The following NSD3 variants were observed in gnomAD, a reference collection of about 807,000 sequenced individuals.
The protein encoded by NSD3 is nuclear receptor binding SET domain protein 3.
In NSD3, 24 loss-of-function variants were observed where a neutral mutation model predicts 160.8. The observed-to-expected ratio is 0.15, with a 90% CI of 0.11 to 0.21. The LOEUF is 0.21. Among genes scored for constraint, NSD3 ranks in the 10% least tolerant of loss-of-function variants. The pLI is 1.00. For synonymous variants in NSD3, 520 were observed against 600.0 expected (o/e 0.87, Z 1.95); for missense variants, 1,157 against 1,735.9 (o/e 0.67, Z 5.93).
chr8:38,359,563 C>T (rs771688028), intron 1 of NSD3, among the ~76,000 whole-genome samples: 11 of 152,160 alleles, frequency 7.2e-5, no homozygotes, highest in Non-Finnish European at 1.2e-4. Flanking sequence ...AACTTGACCA[C>T]GCCCCTATGG....
intron 1 of NSD3, among the ~76,000 whole-genome samples, chr8:38,372,139 ATAGT>A (rs1309643787): frequency 1.3e-5 from 2 of 152,262 alleles, no homozygotes; most frequent in African/African-American, 4.8e-5. Context: ...GTTAATTAAG[ATAGT>A]TAAGCTAAGA....
chr8:38,379,967 A>C (rs1811494919), intron 1 of NSD3, among the ~76,000 whole-genome samples: 1 of 152,258 alleles, frequency 6.6e-6, no homozygotes, highest in East Asian at 1.9e-4. Context: ...AAGTAGTTAC[A>C]GTTGAATATA....
At chr8:38,369,361 A>C (rs1265983605) in intron 1 of NSD3, among the ~76,000 whole-genome samples, 1 of 152,174 alleles carries the variant, frequency 6.6e-6, no homozygotes, top group African/African-American at 2.4e-5. Context: ...ATTGGACTGG[A>C]AAGTTAACTT....
At chr8:38,336,203 A>T (rs1027450407) in intron 4 of NSD3, 7 of 152,246 alleles carry the variant, frequency 4.6e-5, no homozygotes, top group African/African-American at 1.7e-4. Flanking sequence ...CTTGTCACAG[A>T]CAATGAGGAA....
rs1300454694 is a variant in NSD3 at position 38,375,661 on chromosome 8, ATTAT to A, written c.-45+6134_-45+6137del. ...TTGTTAATATAACAATATAAGTATA[ATTAT>A]TTATAACTTATAAATATAATTCATA... On this transcript the variant is annotated intron_variant, in intron 1 of 23. Transcript: ENST00000317025. Among the ~76,000 whole-genome samples, 11 of 152,074 alleles carry A rather than the reference ATTAT, an allele frequency of 7.2e-5. No individual in the cohort carries two copies. In the East Asian group the frequency reaches 1.9e-3, roughly 27 times the overall value.
chr8:38,321,130 C>T lies in NSD3; in HGVS notation c.1751G>A (p.Arg584His), dbSNP rs1308841852. The T allele has an allele frequency of 4.3e-6, 7 of 1,613,108 alleles. No individual in the cohort carries two copies. Among genetic ancestry groups the T allele is most frequent in the Non-Finnish European group, 5.1e-6 (6 of 1,179,814 alleles). Reference protein sequence around the residue: ...KKQQRRSIRTRSESEKSTEVV... With the variant: ...KKQQRRSIRTHSESEKSTEVV... ...CTCAGTGGATTTCTCTGATTCAGAA[C>T]GAGTTCTAATTGATCTTCTCTGTTG... is the stretch of plus-strand genomic sequence containing the variant. Residue 584 changes from arginine (R) to histidine (H), a missense_variant, in exon 8 of 24, where the codon CGT becomes CAT. Physicochemically the swap from Arg to His is conservative, Grantham distance 29. Around this residue, in one of 10 missense-constraint regions of NSD3, gnomAD observed 102 missense variants for 126.5 expected, o/e 0.81. Transcript: ENST00000317025. The surrounding 1 kb of genome is among the most constrained non-coding windows in gnomAD (Gnocchi z 4.7).
intron 21 of NSD3, 33 bp from the exon 22 acceptor site, chr8:38,278,445 G>T: frequency 1.3e-6 from 2 of 1,551,888 alleles, no homozygotes; most frequent in Middle Eastern, 3.4e-4. Flanking sequence ...ATTCAAACTC[G>T]AGTCATGGGG....
intron 16 of NSD3, among the ~76,000 whole-genome samples, chr8:38,292,111 A>C (rs1354275459): frequency 6.6e-6 from 1 of 152,234 alleles, no homozygotes; most frequent in Non-Finnish European, 1.5e-5. Context: ...GAAGATCTGA[A>C]GGCTTCTTAC....
At chr8:38,314,905 A>T in intron 11 of NSD3, 132 bp from the exon 12 acceptor site, 1 of 867,648 alleles carries the variant, frequency 1.2e-6, no homozygotes, top group Non-Finnish European at 1.7e-6. Flanking sequence ...GGGGGCCCCA[A>T]GAATGTGCAT....
chr8:38,368,161 T>C (rs943535228), intron 1 of NSD3, among the ~76,000 whole-genome samples: 2 of 152,100 alleles, frequency 1.3e-5, no homozygotes, highest in Non-Finnish European at 2.9e-5. Context: ...GGTTACACCA[T>C]GTTAGTCAGG....
In NSD3 at chr8:38,331,512, T is replaced by C. The variant is rs1810060498; in HGVS notation, c.984A>G (p.Arg328=). Reference sequence around the variant, plus strand: ...CATACTGTTTATGACCTTTATACTCTCGTACCCGTTTTTCATGAACCCACG... The same window carrying C: ...CATACTGTTTATGACCTTTATACTCCCGTACCCGTTTTTCATGAACCCACG... ...ERAWVHEKRV[R]EYKGHKQYEE... Residue 328 remains arginine (R), a synonymous_variant, in exon 5 of 24, where the codon CGA becomes CGG. Transcript: ENST00000317025. The C allele has an allele frequency of 1.9e-6, 3 of 1,614,038 alleles. No individual in the cohort carries two copies. In the East Asian group the frequency reaches 6.7e-5, roughly 36 times the overall value.
Position 38,295,879 on chromosome 8 carries a change from T to C in NSD3, c.2832A>G (p.Glu944=), listed in dbSNP as rs926608180. The change falls in exon 16 of 24, where the codon GAA becomes GAG. Residue 944 remains glutamate, a synonymous_variant. Coordinates refer to ENST00000317025, the MANE Select transcript of NSD3 (RefSeq NM_023034.2). ...TACAGTCATTACAATTCCAGCAGCC[T>C]TCTGGCATTTCTATGCTTAGGCATT... ...HPECLSIEMP[E]GCWNCNDCKA... The C allele has an allele frequency of 1.2e-6, 2 of 1,614,172 alleles. No individual in the cohort carries two copies. The highest frequency in any genetic ancestry group is 1.7e-4 in the Middle Eastern group (1 of 6,060).
At chr8:38,380,277 A>C (rs534875026) in intron 1 of NSD3, among the ~76,000 whole-genome samples, 1 of 152,220 alleles carries the variant, frequency 6.6e-6, no homozygotes, top group Non-Finnish European at 1.5e-5. Flanking sequence ...ACTATTTAAA[A>C]ATACATACAT....
Position 38,337,431 on chromosome 8 carries a change from C to G in NSD3, c.784G>C (p.Val262Leu), listed in dbSNP as rs774529644. ...PILSSVPTTEVSTGVKFQVGD... is the reference protein window; with the variant it reads ...PILSSVPTTELSTGVKFQVGD... ...ACCTGAAACTTAACACCAGTGGACA[C>G]TTCCGTTGTTGGAACAGAAGATAGT... Residue 262 changes from valine to leucine, a missense_variant, in exon 4 of 24, where the codon GTG (valine) becomes CTG (leucine). By Grantham distance (32) the Val-to-Leu change is conservative. Coordinates refer to ENST00000317025, the MANE Select transcript of NSD3 (RefSeq NM_023034.2). 6.2e-7 allele frequency: 1 copy of G among 1,608,502 alleles called. No individual in the cohort carries two copies. Among genetic ancestry groups the G allele is most frequent in the Non-Finnish European group, 8.5e-7 (1 of 1,177,894 alleles).
intron 6 of NSD3, among the ~76,000 whole-genome samples, chr8:38,328,046 T>G (rs1046692221): frequency 1.3e-5 from 2 of 151,988 alleles, no homozygotes; most frequent in South Asian, 2.1e-4. Context: ...TACAAAAAAT[T>G]TTTAAAAGGT....
At position 38,289,432 on chromosome 8, in the gene NSD3, T is replaced by A. The variant is rs1055795834; in HGVS notation, c.3192A>T (p.Glu1064Asp). 6.2e-7 allele frequency: 1 copy of A among 1,613,932 alleles called. No homozygotes were observed. Among genetic ancestry groups the A allele is most frequent in the African/African-American group, 1.3e-5 (1 of 74,988 alleles). ...QRESKEALEI[E>D]KNSRKPPPYK... ...AGGGAGGGGGTTTTCTTGAGTTTTT[T>A]TCAATCTCTAGGGCTTCTTTACTTT... is the stretch of plus-strand genomic sequence containing the variant. The change falls in exon 18 of 24, where the codon GAA becomes GAT. Residue 1064 changes from glutamate to aspartate, a missense_variant. Physicochemically the swap from Glu to Asp is conservative, Grantham distance 45. Coordinates refer to ENST00000317025, the MANE Select transcript of NSD3 (RefSeq NM_023034.2).
chr8:38,305,517 C>T (rs1256495398), intron 12 of NSD3, 72 bp from the exon 13 acceptor site: 26 of 1,449,860 alleles, frequency 1.8e-5, no homozygotes, highest in Non-Finnish European at 2.4e-5. Flanking sequence ...CAGCTACAGA[C>T]ATCAAACAGC....
At position 38,270,502 on chromosome 8, in the gene NSD3, T is replaced by TA. The variant is rs779453201; in HGVS notation, c.*5138dup. On this transcript the variant is annotated 3_prime_UTR_variant, in exon 24 of 24. Transcript: ENST00000317025. ...AGCATCTTGATTATTAGTGGCAATA[T>TA]AATTATCTTAACATAGGGCATGTAA... The TA allele has an allele frequency of 4.6e-5, 7 of 152,342 alleles. No individual in the cohort carries two copies. In the East Asian group the frequency reaches 1.2e-3, roughly 25 times the overall value. The allele number at this position is 152,342 out of a possible 1,614,324, so 9.4% of individuals were successfully genotyped here. A position where few individuals can be genotyped will look rare whatever the true frequency, so the allele number is the denominator to read the frequency against.
chr8:38,305,482 T>C (rs760213878), intron 12 of NSD3, 37 bp from the exon 13 acceptor site: 1 of 1,604,852 alleles, frequency 6.2e-7, no homozygotes, highest in Non-Finnish European at 8.5e-7. Flanking sequence ...TAAATAAAAT[T>C]GACTAAAGCA....
Sources: gnomAD v4.1 joint callset for allele counts (sites outside exome capture counted in the v4.1 genomes callset) on GRCh38, gnomAD v4.1.1 for gene constraint, gnomAD v4.1.1 regional missense constraint, Gnocchi (gnomAD v3.1) non-coding constraint, MANE v1.5 for transcripts, NCBI Gene and HGNC (gene_info 2026-07-23, HGNC 2026-07-21) for gene names.